Variants in CSMD1 observed in about 807,000 individuals in gnomAD.
CSMD1 encodes the protein CUB and sushi domain-containing protein 1.
CSMD1 carries 213 observed loss-of-function variants against 417.5 expected under a neutral mutation model. That is an observed-to-expected ratio of 0.51 (90% confidence interval 0.46 to 0.57). The LOEUF (loss-of-function observed/expected upper bound fraction) is 0.57. Ranked by LOEUF, CSMD1 falls within the 20% of genes least tolerant of loss-of-function variation. The pLI, the probability that CSMD1 is intolerant of heterozygous loss-of-function variation, is 0.00. For synonymous variants in CSMD1, 2,862 were observed against 1,736.8 expected, an observed-to-expected ratio of 1.65 and a Z score of -16.11; for missense variants, 6,923 against 4,529.7, an observed-to-expected ratio of 1.53 and a Z score of -15.17.
chr8:3,719,289 C>T (rs1340951351), intron 6 of CSMD1, among the ~76,000 whole-genome samples: 1 of 152,162 alleles, frequency 6.6e-6, no homozygotes, highest in African/African-American at 2.4e-5. Flanking sequence ...AAAAAGGCCA[C>T]TGCCCTAGAG....
chr8:4,961,581 C>G (rs1298220921), intron 1 of CSMD1, among the ~76,000 whole-genome samples: 2 of 152,080 alleles, frequency 1.3e-5, no homozygotes, highest in African/African-American at 4.8e-5. Flanking sequence ...TTATCTAGTG[C>G]TCATGGTTAC....
intron 3 of CSMD1, among the ~76,000 whole-genome samples, chr8:4,354,893 T>A (rs1801317019): frequency 6.6e-6 from 1 of 151,032 alleles, no homozygotes; most frequent in African/African-American, 2.4e-5. Context: ...TGTGTGTGTG[T>A]GTGTGTGTGT....
At chr8:3,979,170 A>G (rs1161652725) in intron 5 of CSMD1, among the ~76,000 whole-genome samples, 1 of 152,230 alleles carries the variant, frequency 6.6e-6, no homozygotes, top group Non-Finnish European at 1.5e-5. Context: ...AACACCTGTG[A>G]GATCTTAGCA....
At chr8:3,461,347 G>A (rs990031780) in intron 12 of CSMD1, among the ~76,000 whole-genome samples, 1 of 152,228 alleles carries the variant, frequency 6.6e-6, no homozygotes, top group Non-Finnish European at 1.5e-5. Context: ...AGCTTGGAGA[G>A]TATGCTGGGA....
At chr8:4,431,477 G>T (rs976061044) in intron 2 of CSMD1, among the ~76,000 whole-genome samples, 4 of 152,092 alleles carry the variant, frequency 2.6e-5, no homozygotes, top group East Asian at 3.9e-4. Context: ...AGAGAGAGAA[G>T]AAAGTAGAGA....
intron 46 of CSMD1, among the ~76,000 whole-genome samples, chr8:3,103,176 G>T (rs34007075): frequency 2.0e-5 from 3 of 152,120 alleles, no homozygotes; most frequent in African/African-American, 4.8e-5. Flanking sequence ...TATAGCTAAG[G>T]AGGTACATAA....
At chr8:3,609,888 G>A (rs755284724) in intron 8 of CSMD1, among the ~76,000 whole-genome samples, 3 of 122,506 alleles carry the variant, frequency 2.4e-5, no homozygotes, top group East Asian at 5.2e-4. Context: ...GTGCGATCTC[G>A]GCTCCTGGGT....
rs142392315 is a variant in CSMD1 at position 3,550,846 on chromosome 8, T to C, written c.1344+24099A>G. Reference sequence around the variant, plus strand: ...ATGGAAGAGTAAATATATGGGTAAATAGGGTGTATGCAATATGCATTCCCA... The same window carrying C: ...ATGGAAGAGTAAATATATGGGTAAACAGGGTGTATGCAATATGCATTCCCA... On this transcript the variant is annotated intron_variant, in intron 10 of 69. Transcript: ENST00000635120. Among the ~76,000 whole-genome samples the C allele has an allele frequency of 5.2e-3, 785 of 152,260 alleles. 11 individuals are homozygous for C. Among genetic ancestry groups the C allele is most frequent in the African/African-American group, 0.018 (757 of 41,532 alleles).
At chr8:3,660,417 T>A (rs1011807168) in intron 7 of CSMD1, among the ~76,000 whole-genome samples, 1 of 151,572 alleles carries the variant, frequency 6.6e-6, no homozygotes. Context: ...TTATTGTTGT[T>A]TGATCATCCA....
intron 10 of CSMD1, among the ~76,000 whole-genome samples, chr8:3,508,756 G>A (rs925169129): frequency 2.6e-5 from 4 of 151,974 alleles, no homozygotes; most frequent in African/African-American, 9.7e-5. Context: ...ATTCTATTTA[G>A]ACCGAATAGA....
At chr8:4,907,749 A>G (rs1805396177) in intron 1 of CSMD1, among the ~76,000 whole-genome samples, 1 of 147,550 alleles carries the variant, frequency 6.8e-6, no homozygotes, top group Admixed American at 6.7e-5. Context: ...CATTTTTTGT[A>G]GAGATGGGGT....
In CSMD1 at chr8:3,930,407, G is replaced by T. The variant is rs770528960; in HGVS notation, c.818+67496C>A. 2.9e-4 allele frequency among the ~76,000 whole-genome samples: 44 copies of T among 150,602 alleles called. 1 individual carries two copies. Among genetic ancestry groups the T allele is most frequent in the African/African-American group, 1.1e-3 (43 of 40,900 alleles). On this transcript the variant is annotated intron_variant, in intron 5 of 69. Transcript: ENST00000635120. ...AACTTAGCCCTGGCATGCTTATACT[G>T]GTCCAAGCAAGCATTAGGTCAAAGC...
intron 3 of CSMD1, among the ~76,000 whole-genome samples, chr8:4,094,626 C>T (rs1184833735): frequency 6.6e-6 from 1 of 151,656 alleles, no homozygotes; most frequent in Non-Finnish European, 1.5e-5. Flanking sequence ...GCGTGTGTCA[C>T]ACATGTGGGG....
intron 18 of CSMD1, among the ~76,000 whole-genome samples, chr8:3,384,769 A>C (rs1159467033): frequency 4.8e-4 from 60 of 125,818 alleles, no homozygotes; most frequent in Non-Finnish European, 7.4e-4. Context: ...TTATATAAAT[A>C]TATATTTATA....
At chr8:4,225,850 G>C (rs751772801) in intron 3 of CSMD1, among the ~76,000 whole-genome samples, 2 of 152,096 alleles carry the variant, frequency 1.3e-5, no homozygotes, top group African/African-American at 2.4e-5. Flanking sequence ...CAGCCTAAAT[G>C]AAAGTTTTAA....
chr8:3,629,449 T>C (rs1796665036), intron 7 of CSMD1, among the ~76,000 whole-genome samples: 2 of 152,196 alleles, frequency 1.3e-5, no homozygotes, highest in Admixed American at 1.3e-4. Flanking sequence ...AACCATACAA[T>C]ATTATTGGGA....
intron 17 of CSMD1, among the ~76,000 whole-genome samples, chr8:3,395,900 A>C (rs139767372): frequency 1.7e-3 from 260 of 152,306 alleles, no homozygotes; most frequent in African/African-American, 5.4e-3. Context: ...TAATAATAGA[A>C]GTATATTATT....
chr8:3,761,712 G>T (rs1054862899), intron 5 of CSMD1, among the ~76,000 whole-genome samples: 2 of 151,940 alleles, frequency 1.3e-5, no homozygotes, highest in African/African-American at 2.4e-5. Flanking sequence ...CACCATGTTG[G>T]CCAGGCTGGT....
intron 3 of CSMD1, among the ~76,000 whole-genome samples, chr8:4,039,181 T>C (rs72624067): frequency 0.15 from 22,591 of 152,188 alleles, 2,393 homozygotes; most frequent in East Asian, 0.39. Context: ...TGAGGTGGAT[T>C]CATCTGGAAT....
Sources: gnomAD v4.1 joint callset for allele counts (sites outside exome capture counted in the v4.1 genomes callset) on GRCh38, gnomAD v4.1.1 for gene constraint, MANE v1.5 for transcripts, NCBI Gene and HGNC (gene_info 2026-07-23, HGNC 2026-07-21) for gene names.